The following ASTN1 variants were observed in gnomAD, a reference collection of about 807,000 sequenced individuals.
ASTN1 encodes astrotactin-1.
A neutral mutation model predicts 140.7 loss-of-function variants in ASTN1; 41 were observed. The ratio of observed to expected loss-of-function variants is 0.29; its 90% CI spans 0.23 to 0.38. The LOEUF (loss-of-function observed/expected upper bound fraction) is 0.38, where lower values mean the gene tolerates loss of function less well. ASTN1 is among the 10% of genes least tolerant of loss of function. The pLI is 1.00. For synonymous variants in ASTN1, 640 were observed against 652.2 expected, an observed-to-expected ratio of 0.98 and a Z score of 0.29; for missense variants, 1,479 against 1,678.8, an observed-to-expected ratio of 0.88 and a Z score of 2.08.
In ASTN1 at chr1:176,861,217, A is replaced by G; in HGVS notation, c.*3067T>C. On this transcript the variant is annotated 3_prime_UTR_variant, in exon 23 of 23. Coordinates refer to ENST00000361833, the MANE Select transcript of ASTN1 (RefSeq NM_004319.3). ...GCAGTAGTAAAGTGTTTTTCTTCAT[A>G]CTCAGTTTTTTTAATAGAACATTTG... 1.0e-6 allele frequency: 1 copy of G among 978,478 alleles called. No individual in the cohort carries two copies. The highest frequency in any genetic ancestry group is 1.2e-6 in the Non-Finnish European group (1 of 823,418). 60.6% of individuals were successfully genotyped at this position (978,478 alleles called of 1,614,324 possible).
chr1:177,111,230 G>A (rs779184473), intron 1 of ASTN1, among the ~76,000 whole-genome samples: 1 of 152,192 alleles, frequency 6.6e-6, no homozygotes, highest in Admixed American at 6.5e-5. Flanking sequence ...CTGAGTCTAA[G>A]AGAAGTTAGA....
At chr1:176,867,363 G>A (rs561230105) in intron 22 of ASTN1, among the ~76,000 whole-genome samples, 1 of 152,178 alleles carries the variant, frequency 6.6e-6, no homozygotes, top group Non-Finnish European at 1.5e-5. Flanking sequence ...TGGAGAGGGA[G>A]GTAGAAGGGA....
chr1:177,142,394 T>A (rs182128382), intron 1 of ASTN1, among the ~76,000 whole-genome samples: 270 of 152,304 alleles, frequency 1.8e-3, no homozygotes, highest in Middle Eastern at 3.4e-3. Context: ...GAGGATTACG[T>A]TAACCACAGT....
At chr1:176,868,557 T>C (rs182362730) in intron 22 of ASTN1, among the ~76,000 whole-genome samples, 1 of 152,352 alleles carries the variant, frequency 6.6e-6, no homozygotes, top group East Asian at 1.9e-4. Flanking sequence ...CTTTGAGTTT[T>C]AGGGTTTGGA....
chr1:177,049,290 T>G (rs1335545147), intron 2 of ASTN1, among the ~76,000 whole-genome samples: 2 of 152,198 alleles, frequency 1.3e-5, no homozygotes, highest in Non-Finnish European at 2.9e-5. Context: ...GGGTGGGACA[T>G]GTTTATGTTA....
At chr1:177,018,467 C>G (rs914320677) in intron 7 of ASTN1, among the ~76,000 whole-genome samples, 2 of 152,130 alleles carry the variant, frequency 1.3e-5, no homozygotes, top group Non-Finnish European at 2.9e-5. Context: ...GTCGAATGCC[C>G]CTCAACAGGT....
chr1:177,079,748 CACA>C (rs1443595547), intron 1 of ASTN1, among the ~76,000 whole-genome samples: 1 of 152,066 alleles, frequency 6.6e-6, no homozygotes, highest in Non-Finnish European at 1.5e-5. Flanking sequence ...CCAATTCCTT[CACA>C]ACATGAACTC....
chr1:177,033,156 T>TGC (rs1185785413), intron 2 of ASTN1, among the ~76,000 whole-genome samples: 161 of 148,802 alleles, frequency 1.1e-3, no homozygotes, highest in East Asian at 4.1e-3. Flanking sequence ...TGTGTGTGTG[T>TGC]GCGTGATTTC....
intron 16 of ASTN1, among the ~76,000 whole-genome samples, chr1:176,928,317 T>C (rs1419111016): frequency 6.6e-6 from 1 of 152,176 alleles, no homozygotes. Flanking sequence ...GAAGAAGATT[T>C]ACTTTTCATT....
At chr1:176,937,522 G>A (rs1436852346) in intron 14 of ASTN1, among the ~76,000 whole-genome samples, 1 of 152,118 alleles carries the variant, frequency 6.6e-6, no homozygotes, top group East Asian at 1.9e-4. Context: ...AAGAAAGAGT[G>A]TCACCCTGTT....
At chr1:176,909,380 T>C (rs543446541) in intron 16 of ASTN1, among the ~76,000 whole-genome samples, 1 of 152,326 alleles carries the variant, frequency 6.6e-6, no homozygotes, top group Non-Finnish European at 1.5e-5. Flanking sequence ...GCAGGCATGC[T>C]TGTTTAGAAT....
At chr1:177,069,950 A>G (rs1047755641) in intron 1 of ASTN1, among the ~76,000 whole-genome samples, 1 of 152,086 alleles carries the variant, frequency 6.6e-6, no homozygotes. Flanking sequence ...ACTTATATCT[A>G]TTTCTATTCT....
At chr1:177,108,384 T>C (rs1680655322) in intron 1 of ASTN1, among the ~76,000 whole-genome samples, 1 of 148,968 alleles carries the variant, frequency 6.7e-6, no homozygotes, top group South Asian at 2.1e-4. Flanking sequence ...AAAAAAGAAA[T>C]TCTAATTCTC....
chr1:177,087,064 A>C (rs922745267), intron 1 of ASTN1, among the ~76,000 whole-genome samples: 3 of 152,136 alleles, frequency 2.0e-5, no homozygotes, highest in African/African-American at 7.2e-5. Flanking sequence ...TTACTATATC[A>C]ACAAAGATAA....
chr1:177,136,354 C>CTTT (rs761381263), intron 1 of ASTN1, among the ~76,000 whole-genome samples: 1 of 131,124 alleles, frequency 7.6e-6, no homozygotes, highest in Non-Finnish European at 1.6e-5. Flanking sequence ...ATTTTTCTTC[C>CTTT]TTTTTTTTTT....
chr1:176,936,018 G>A, intron 15 of ASTN1: 1 of 546,766 alleles, frequency 1.8e-6, no homozygotes, highest in Non-Finnish European at 3.3e-6. Flanking sequence ...ACCTTCAATG[G>A]CTCCAGTCTT....
At chr1:177,079,001 A>T (rs1166785812) in intron 1 of ASTN1, among the ~76,000 whole-genome samples, 1 of 152,168 alleles carries the variant, frequency 6.6e-6, no homozygotes, top group Non-Finnish European at 1.5e-5. Context: ...ATGCCACCAA[A>T]TGGACCTCAA....
chr1:177,036,873 G>A (rs1676743707), intron 2 of ASTN1, among the ~76,000 whole-genome samples: 2 of 151,982 alleles, frequency 1.3e-5, no homozygotes, highest in South Asian at 4.2e-4. Flanking sequence ...AGGCTGGAGT[G>A]CAGAGGTGTG....
intron 1 of ASTN1, among the ~76,000 whole-genome samples, chr1:177,148,665 T>A (rs1369774158): frequency 6.6e-6 from 1 of 151,564 alleles, no homozygotes; most frequent in South Asian, 2.1e-4. Context: ...TTTTTTTCAG[T>A]TTTACAAGTT....
Sources: gnomAD v4.1 joint callset for allele counts (sites outside exome capture counted in the v4.1 genomes callset) on GRCh38, gnomAD v4.1.1 for gene constraint, MANE v1.5 for transcripts, NCBI Gene and HGNC (gene_info 2026-07-23, HGNC 2026-07-21) for gene names.